UNC5D: variants seen among roughly 807,000 people sequenced by gnomAD.
The protein encoded by UNC5D is unc-5 netrin receptor D, also known as netrin receptor UNC5D.
A neutral mutation model predicts 105.4 loss-of-function variants in UNC5D; 39 were observed. That is an observed-to-expected ratio of 0.37 (90% confidence interval 0.29 to 0.48). The LOEUF (loss-of-function observed/expected upper bound fraction) is 0.48. Ranked by LOEUF, UNC5D falls within the 20% of genes least tolerant of loss-of-function variation. The pLI is 0.98. For missense variants in UNC5D, 991 were observed against 1,202.4 expected (o/e 0.82, Z 2.60); for synonymous variants, 452 against 450.4 (o/e 1.00, Z -0.04).
chr8:35,316,015 C>G (rs77484343), intron 1 of UNC5D, among the ~76,000 whole-genome samples: 3,589 of 152,200 alleles, frequency 0.024, 151 homozygotes, highest in African/African-American at 0.083. Context: ...TTAAAGAGAT[C>G]GGTCGAGCTA....
intron 1 of UNC5D, among the ~76,000 whole-genome samples, chr8:35,426,218 C>G (rs772260442): frequency 1.3e-5 from 2 of 152,090 alleles, no homozygotes; most frequent in Non-Finnish European, 2.9e-5. Context: ...CTTCCTTAGG[C>G]TGAGTAATTG....
chr8:35,244,388 A>G (rs1316699023), intron 1 of UNC5D, among the ~76,000 whole-genome samples: 1 of 152,114 alleles, frequency 6.6e-6, no homozygotes, highest in South Asian at 2.1e-4. Context: ...AGGGATGTGG[A>G]TGTATAAGCA....
chr8:35,581,112 G>A (rs1343303008), intron 3 of UNC5D, among the ~76,000 whole-genome samples: 2 of 152,098 alleles, frequency 1.3e-5, no homozygotes, highest in Non-Finnish European at 2.9e-5. Context: ...CTCATCTCTG[G>A]AAGGAGGGCT....
At chr8:35,631,116 G>A (rs1586292969) in intron 4 of UNC5D, among the ~76,000 whole-genome samples, 1 of 152,106 alleles carries the variant, frequency 6.6e-6, no homozygotes, top group South Asian at 2.1e-4. Context: ...AGTTCGAGAC[G>A]AGCCTGGGCA....
chr8:35,791,617 A>G lies in UNC5D; in HGVS notation c.*1054A>G, dbSNP rs1453282459. 2 of 152,174 alleles carry G rather than the reference A, an allele frequency of 1.3e-5. No individual in the cohort carries two copies. Among genetic ancestry groups the G allele is most frequent in the African/African-American group, 4.8e-5 (2 of 41,442 alleles). The allele number at this position is 152,174 out of a possible 1,614,324, so 9.4% of individuals were successfully genotyped here. ...CTGTGTCATCACAAAATCTCTCAGT[A>G]AGGCTATATGTGATCCTCATTTTGC... On this transcript the variant is annotated 3_prime_UTR_variant, in exon 17 of 17. Transcript: ENST00000404895.
chr8:35,260,031 G>T (rs1804365665), intron 1 of UNC5D, among the ~76,000 whole-genome samples: 1 of 152,064 alleles, frequency 6.6e-6, no homozygotes, highest in Non-Finnish European at 1.5e-5. Context: ...TTGAGAAAAC[G>T]ACTGCCTCCT....
At chr8:35,393,218 C>T (rs552808782) in intron 1 of UNC5D, among the ~76,000 whole-genome samples, 6 of 146,260 alleles carry the variant, frequency 4.1e-5, no homozygotes, top group East Asian at 4.0e-4. Context: ...CTGCAGGCTC[C>T]GCCCCCTGGG....
chr8:35,436,195 T>A (rs1219394597), intron 1 of UNC5D, among the ~76,000 whole-genome samples: 1 of 152,052 alleles, frequency 6.6e-6, no homozygotes, highest in Non-Finnish European at 1.5e-5. Flanking sequence ...AAATTTTGCA[T>A]TTCTTCACAT....
At chr8:35,539,556 C>T (rs1022897891) in intron 1 of UNC5D, among the ~76,000 whole-genome samples, 1 of 152,118 alleles carries the variant, frequency 6.6e-6, no homozygotes, top group African/African-American at 2.4e-5. Flanking sequence ...AGGTTTTTAT[C>T]CTGTGCCTGT....
In UNC5D at chr8:35,346,042, G is replaced by A. The variant is rs1401834184; in HGVS notation, c.103+110155G>A. On this transcript the variant is annotated intron_variant, in intron 1 of 16. Coordinates refer to ENST00000404895, the MANE Select transcript of UNC5D (RefSeq NM_080872.4). ...GCTGAAATTCTTAAAAGAGAGAAAA[G>A]AATTCTCTGAGTTCAAAAATGCTTT... Among the ~76,000 whole-genome samples the A allele has an allele frequency of 2.0e-5, 3 of 152,124 alleles. No individual in the cohort carries two copies. The East Asian group carries it at 5.8e-4, about 29-fold the overall frequency.
intron 1 of UNC5D, among the ~76,000 whole-genome samples, chr8:35,487,373 T>C (rs1810890071): frequency 6.6e-6 from 1 of 152,086 alleles, no homozygotes; most frequent in Non-Finnish European, 1.5e-5. Context: ...CCTCATCCAA[T>C]CAGTTGGAAC....
chr8:35,274,029 G>A (rs1253111650), intron 1 of UNC5D, among the ~76,000 whole-genome samples: 4 of 151,624 alleles, frequency 2.6e-5, no homozygotes, highest in Admixed American at 1.3e-4. Context: ...TCAGTAATGA[G>A]GATTCATTTG....
intron 1 of UNC5D, 105 bp downstream of exon 1, chr8:35,235,992 C>A: frequency 9.9e-7 from 1 of 1,014,456 alleles, no homozygotes; most frequent in Non-Finnish European, 1.3e-6. Flanking sequence ...TTGCGCCCTG[C>A]ACCTCGGCGC....
intron 1 of UNC5D, among the ~76,000 whole-genome samples, chr8:35,271,699 G>T (rs3044092): frequency 1.0e-3 from 24 of 23,292 alleles, no homozygotes; most frequent in South Asian, 3.3e-3. Context: ...ATGTATACAT[G>T]TATACATATA....
At position 35,615,565 on chromosome 8, in the gene UNC5D, G is replaced by A. The variant is rs527466677; in HGVS notation, c.570+19908G>A. 8.5e-5 allele frequency among the ~76,000 whole-genome samples: 13 copies of A among 152,158 alleles called. No homozygotes were observed. In the South Asian group the frequency reaches 2.5e-3, roughly 29 times the overall value. On this transcript the variant is annotated intron_variant, in intron 4 of 16. Transcript: ENST00000404895. ...CACTCAGGCTGGAGTGCAGTGGCAC[G>A]ATCTTGGCTCTTTTCTATAAATCCT...
Position 35,549,418 on chromosome 8 carries a change from C to T in UNC5D, c.230C>T (p.Ala77Val), listed in dbSNP as rs1815938476. ...AACCCTATTGCACTCAGGTGCAAAG[C>T]GAGGCCAGCCATGCAGATATTCTTC... ...KSNPIALRCKARPAMQIFFKC... is the reference protein window; with the variant it reads ...KSNPIALRCKVRPAMQIFFKC... The change falls in exon 2 of 17, where the codon GCG (alanine) becomes GTG (valine). Residue 77 changes from alanine to valine, a missense_variant. Physicochemically the swap from Ala to Val is moderately conservative, Grantham distance 64 (BLOSUM62 0). This residue lies in a region of UNC5D where 944 missense variants were observed against 1,131.6 expected (regional missense o/e 0.83). Transcript: ENST00000404895. 5 of 1,613,102 alleles carry T rather than the reference C, an allele frequency of 3.1e-6. No individual in the cohort carries two copies. The highest frequency in any genetic ancestry group is 1.7e-5 in the Admixed American group (1 of 59,986).
chr8:35,248,178 A>T (rs1449370696), intron 1 of UNC5D, among the ~76,000 whole-genome samples: 1 of 66,198 alleles, frequency 1.5e-5, no homozygotes, highest in African/African-American at 6.3e-5. Flanking sequence ...TATATAATAT[A>T]TATAATATAT....
intron 1 of UNC5D, among the ~76,000 whole-genome samples, chr8:35,240,859 C>G (rs1332645326): frequency 6.6e-6 from 1 of 152,094 alleles, no homozygotes; most frequent in African/African-American, 2.4e-5. Flanking sequence ...AATAACCGCC[C>G]TCTCCCCATT....
At chr8:35,546,994 T>A (rs908315681) in intron 1 of UNC5D, among the ~76,000 whole-genome samples, 1 of 152,214 alleles carries the variant, frequency 6.6e-6, no homozygotes, top group Non-Finnish European at 1.5e-5. Context: ...TACAAATACA[T>A]TTCAAGGCTT....
Sources: allele counts gnomAD v4.1 joint callset (sites outside exome capture counted in the v4.1 genomes callset), GRCh38; gene constraint gnomAD v4.1.1; regional missense constraint gnomAD v4.1.1; transcripts MANE v1.5; gene names NCBI Gene and HGNC (gene_info 2026-07-23, HGNC 2026-07-21).